TCTN2: variants seen among roughly 807,000 people sequenced by gnomAD.
TCTN2 encodes the protein tectonic family member 2.
TCTN2 carries 66 observed loss-of-function variants against 83.4 expected under a neutral mutation model. The ratio of observed to expected loss-of-function variants is 0.79; its 90% CI spans 0.65 to 0.97. The LOEUF (loss-of-function observed/expected upper bound fraction) is 0.97, where lower values mean the gene tolerates loss of function less well. Ranked by LOEUF, TCTN2 falls within the 50% of genes least tolerant of loss-of-function variation. The pLI is 0.00. For missense variants in TCTN2, 794 were observed against 858.1 expected (o/e 0.93, Z 0.93); for synonymous variants, 301 against 326.7 (o/e 0.92, Z 0.85).
intron 5 of TCTN2, among the ~76,000 whole-genome samples, chr12:123,683,021 C>T (rs1289876955): frequency 2.0e-5 from 3 of 151,238 alleles, no homozygotes; most frequent in East Asian, 2.0e-4. Flanking sequence ...GTCAGGAGTT[C>T]GAGACCAACC....
At position 123,696,420 on chromosome 12, in the gene TCTN2, C is replaced by T. The variant is rs1429952005; in HGVS notation, c.1318C>T (p.Gln440Ter). 3.1e-6 allele frequency: 5 copies of T among 1,613,998 alleles called. No homozygotes were observed. The highest frequency in any genetic ancestry group is 4.2e-6 in the Non-Finnish European group (5 of 1,179,934). The part of the protein sequence containing the change: ...EEELSGNPGY[Q>*]LGKPVRALNI... ...CCTTTGTTGTGTTTGTCTAGGTTAC[C>T]AACTTGGCAAGCCTGTCCGAGCTCT... Residue 440 changes from glutamine (Q) to a stop codon, truncating the protein, a stop_gained, in exon 12 of 18, where the codon CAA becomes TAA. Coordinates refer to ENST00000303372, the MANE Select transcript of TCTN2 (RefSeq NM_024809.5). LOFTEE classifies it high-confidence loss of function.
chr12:123,695,092 A>G lies in TCTN2; in HGVS notation c.1234+116A>G, dbSNP rs10846543. 0.053 allele frequency: 77,970 copies of G among 1,466,860 alleles called. 2,773 individuals are homozygous for G. Among genetic ancestry groups the G allele is most frequent in the African/African-American group, 0.13 (9,331 of 71,434 alleles). The allele number at this position is 1,466,860 out of a possible 1,614,324, so 90.9% of individuals were successfully genotyped here. A position where few individuals can be genotyped will look rare whatever the true frequency, so the allele number is the denominator to read the frequency against. ...TAAGTTGGACTTGTTTCTTATGTGC[A>G]TTTATGATTTAATTAACGAGAGTAC... On this transcript the variant is annotated intron_variant, in intron 10 of 17. Transcript: ENST00000303372.
chr12:123,696,999 C>G (rs1027385157), intron 12 of TCTN2, 88 bp from the exon 13 acceptor site: 3 of 1,049,874 alleles, frequency 2.9e-6, no homozygotes, highest in Admixed American at 1.7e-5. Context: ...TTTCTACTTA[C>G]TGTTTTCTGT....
intron 5 of TCTN2, 122 bp from the exon 6 acceptor site, chr12:123,686,714 T>G: frequency 2.1e-6 from 2 of 933,576 alleles, no homozygotes; most frequent in African/African-American, 1.6e-5. Flanking sequence ...GAGACACAGA[T>G]TATAGGTTTT....
At chr12:123,701,367 T>C (rs1956169964) in intron 14 of TCTN2, among the ~76,000 whole-genome samples, 1 of 152,178 alleles carries the variant, frequency 6.6e-6, no homozygotes, top group African/African-American at 2.4e-5. Context: ...AACCATCGAA[T>C]TGCACACTTT....
intron 6 of TCTN2, 124 bp downstream of exon 6, chr12:123,687,159 A>G: frequency 2.7e-6 from 3 of 1,104,130 alleles, no homozygotes; most frequent in Non-Finnish European, 4.1e-6. Flanking sequence ...TCCGTGCCTA[A>G]AGGGTTCAAT....
At position 123,696,423 on chromosome 12, in the gene TCTN2, C is replaced by T. The variant is rs752861868; in HGVS notation, c.1321C>T (p.Leu441Phe). 34 of 1,613,984 alleles carry T rather than the reference C, an allele frequency of 2.1e-5. No homozygotes were observed. The highest frequency in any genetic ancestry group is 2.5e-5 in the Non-Finnish European group (30 of 1,179,968). ...EELSGNPGYQ[L>F]GKPVRALNIN... Reference sequence around the variant, plus strand: ...TTGTTGTGTTTGTCTAGGTTACCAACTTGGCAAGCCTGTCCGAGCTCTAAA... The same window carrying T: ...TTGTTGTGTTTGTCTAGGTTACCAATTTGGCAAGCCTGTCCGAGCTCTAAA... The change falls in exon 12 of 18, where the codon CTT becomes TTT. Residue 441 changes from leucine (L) to phenylalanine (F), a missense_variant. Coordinates refer to ENST00000303372, the MANE Select transcript of TCTN2 (RefSeq NM_024809.5).
chr12:123,673,892 C>A, intron 4 of TCTN2, 82 bp downstream of exon 4: 1 of 1,416,036 alleles, frequency 7.1e-7, no homozygotes, highest in Non-Finnish European at 9.9e-7. Flanking sequence ...TGCTTGAGCC[C>A]GGGAGGTTGA....
chr12:123,692,248 A>G (rs1956052252), intron 8 of TCTN2, among the ~76,000 whole-genome samples: 1 of 151,916 alleles, frequency 6.6e-6, no homozygotes, highest in Non-Finnish European at 1.5e-5. Context: ...AGGTTTCACC[A>G]TGTTGGCCAG....
At chr12:123,699,968 C>T in intron 14 of TCTN2, 158 bp downstream of exon 14, 1 of 689,832 alleles carries the variant, frequency 1.4e-6, no homozygotes, top group Non-Finnish European at 2.6e-6. Context: ...AGGCAGGAAA[C>T]TTGGCATGTC....
chr12:123,702,227 C>T (rs1174098535), intron 14 of TCTN2, among the ~76,000 whole-genome samples: 1 of 152,206 alleles, frequency 6.6e-6, no homozygotes, highest in Non-Finnish European at 1.5e-5. Context: ...TGCGCATCTG[C>T]TTTGCCCCTG....
chr12:123,707,880 T>C lies in TCTN2; in HGVS notation c.*167T>C. The C allele has an allele frequency of 1.5e-6, 1 of 647,788 alleles. No individual in the cohort carries two copies. Among genetic ancestry groups the C allele is most frequent in the Non-Finnish European group, 2.8e-6 (1 of 360,762 alleles). 40.1% of individuals were successfully genotyped at this position (647,788 alleles called of 1,614,324 possible). A position where few individuals can be genotyped will look rare whatever the true frequency, so the allele number is the denominator to read the frequency against. ...CATGCACCACCACGCCCGGCTAATT[T>C]TGTATTTTTAGTAGAGACAGGGTTC... On this transcript the variant is annotated 3_prime_UTR_variant, in exon 18 of 18. Coordinates refer to ENST00000303372, the MANE Select transcript of TCTN2 (RefSeq NM_024809.5).
intron 11 of TCTN2, 104 bp downstream of exon 11, chr12:123,695,401 A>G: frequency 1.2e-6 from 1 of 813,078 alleles, no homozygotes; most frequent in Non-Finnish European, 2.1e-6. Flanking sequence ...TTAGTTTCTG[A>G]CTCTGACCTT....
chr12:123,695,129 C>A (rs1286260708), intron 10 of TCTN2, 91 bp from the exon 11 acceptor site: 2 of 1,407,148 alleles, frequency 1.4e-6, no homozygotes, highest in East Asian at 2.3e-5. Flanking sequence ...CTTTGTATGA[C>A]AAAATGCAAT....
chr12:123,701,587 A>T (rs1301931674), intron 14 of TCTN2, among the ~76,000 whole-genome samples: 2 of 151,940 alleles, frequency 1.3e-5, no homozygotes, highest in Non-Finnish European at 1.5e-5. Flanking sequence ...AAAATAAAAA[A>T]AAAAAATTAG....
At position 123,687,000 on chromosome 12, in the gene TCTN2, C is replaced by G; in HGVS notation, c.729C>G (p.Asn243Lys). ...TGTGTGTGCAGTCCCCCCTTGCCAA[C>G]ACACCCTTCCTTGGTTACTTCTATC... ...PFLCVQSPLANTPFLGYFYHG... is the reference protein window; with the variant it reads ...PFLCVQSPLAKTPFLGYFYHG... The change falls in exon 6 of 18, where the codon AAC (asparagine) becomes AAG (lysine). Residue 243 changes from asparagine to lysine, a missense_variant. Transcript: ENST00000303372. The G allele has an allele frequency of 6.2e-7, 1 of 1,614,168 alleles. No homozygotes were observed. Among genetic ancestry groups the G allele is most frequent in the South Asian group, 1.1e-5 (1 of 91,080 alleles).
intron 7 of TCTN2, among the ~76,000 whole-genome samples, chr12:123,688,490 C>T (rs1393734024): frequency 6.6e-6 from 1 of 152,152 alleles, no homozygotes; most frequent in Non-Finnish European, 1.5e-5. Context: ...GCTGGGATTA[C>T]AGGCATGAGC....
chr12:123,680,659 G>A (rs889146334), intron 5 of TCTN2, among the ~76,000 whole-genome samples: 1 of 151,264 alleles, frequency 6.6e-6, no homozygotes, highest in Non-Finnish European at 1.5e-5. Context: ...TGGAACTACA[G>A]GTGTGCGCCA....
intron 9 of TCTN2, among the ~76,000 whole-genome samples, chr12:123,693,781 A>G (rs1014089787): frequency 6.7e-6 from 1 of 149,834 alleles, no homozygotes; most frequent in African/African-American, 2.5e-5. Flanking sequence ...CCAGAACTTT[A>G]GTTTTTAATG....
Sources: gnomAD v4.1 joint callset for allele counts (sites outside exome capture counted in the v4.1 genomes callset) on GRCh38, gnomAD v4.1.1 for gene constraint, MANE v1.5 for transcripts, NCBI Gene and HGNC (gene_info 2026-07-23, HGNC 2026-07-21) for gene names.